The following ATP2B2 variants were observed in gnomAD, a reference collection of about 807,000 sequenced individuals.
ATP2B2 encodes the protein ATPase plasma membrane Ca2+ transporting 2.
ATP2B2 carries 15 observed loss-of-function variants against 120.0 expected under a neutral mutation model. The ratio of observed to expected loss-of-function variants is 0.12; its 90% CI spans 0.08 to 0.19. The LOEUF (loss-of-function observed/expected upper bound fraction) is 0.19. ATP2B2 is among the 10% of genes least tolerant of loss of function. The pLI, the probability that ATP2B2 is intolerant of heterozygous loss-of-function variation, is 1.00. For synonymous variants in ATP2B2, 694 were observed against 700.3 expected (o/e 0.99, Z 0.14); for missense variants, 1,045 against 1,719.8 (o/e 0.61, Z 6.94).
At chr3:10,358,633 G>T (rs2060807265) in intron 14 of ATP2B2, 58 bp downstream of exon 14, 3 of 1,542,868 alleles carry the variant, frequency 1.9e-6, no homozygotes, top group Non-Finnish European at 2.7e-6. Flanking sequence ...AGGTCACCCT[G>T]GTGGCTGGCC....
chr3:10,644,303 G>A (rs1017152737), intron 1 of ATP2B2, among the ~76,000 whole-genome samples: 4 of 152,176 alleles, frequency 2.6e-5, no homozygotes, highest in Admixed American at 1.3e-4. Context: ...ACCCTTGTAC[G>A]TTGTTGGTGG....
At chr3:10,543,389 T>G (rs568687180) in intron 2 of ATP2B2, among the ~76,000 whole-genome samples, 3 of 152,282 alleles carry the variant, frequency 2.0e-5, no homozygotes, top group Admixed American at 1.3e-4. Context: ...ATACTCCTCC[T>G]TTTTCCAAAA....
chr3:10,385,428 T>C (rs1009554507), intron 7 of ATP2B2, 101 bp from the exon 8 acceptor site: 1 of 1,022,710 alleles, frequency 9.8e-7, no homozygotes, highest in Non-Finnish European at 1.5e-6. Flanking sequence ...CATGACTCTA[T>C]TCTTAAAAAA....
At chr3:10,551,090 G>A (rs185807230) in intron 2 of ATP2B2, among the ~76,000 whole-genome samples, 33 of 152,288 alleles carry the variant, frequency 2.2e-4, no homozygotes, top group African/African-American at 7.5e-4. Flanking sequence ...TGGCCTGGGC[G>A]AATGTTTTAC....
At chr3:10,580,648 C>A (rs1039343098) in intron 2 of ATP2B2, among the ~76,000 whole-genome samples, 1 of 152,168 alleles carries the variant, frequency 6.6e-6, no homozygotes, top group Non-Finnish European at 1.5e-5. Flanking sequence ...CCCTCCCTGT[C>A]TCCCTGCTCC....
intron 2 of ATP2B2, among the ~76,000 whole-genome samples, chr3:10,433,126 C>T (rs1341838878): frequency 6.6e-6 from 1 of 152,226 alleles, no homozygotes; most frequent in Non-Finnish European, 1.5e-5. Flanking sequence ...GCTCCAGCTG[C>T]CTCTCTCAAG....
chr3:10,671,926 A>C (rs771545519), intron 1 of ATP2B2, among the ~76,000 whole-genome samples: 1 of 152,216 alleles, frequency 6.6e-6, no homozygotes, highest in East Asian at 1.9e-4. Flanking sequence ...AATTCTGAAT[A>C]ATCAATAAAG....
chr3:10,351,228 C>G (rs1157671754), intron 14 of ATP2B2, among the ~76,000 whole-genome samples: 1 of 152,166 alleles, frequency 6.6e-6, no homozygotes, highest in African/African-American at 2.4e-5. Flanking sequence ...TCAGAAGGCA[C>G]AAGGCTTCCC....
chr3:10,540,869 T>TAA (rs762272139), intron 2 of ATP2B2, among the ~76,000 whole-genome samples: 1 of 144,372 alleles, frequency 6.9e-6, no homozygotes, highest in Non-Finnish European at 1.5e-5. Flanking sequence ...AAAATATAAT[T>TAA]AAAAAAAAAA....
chr3:10,379,432 G>A, intron 8 of ATP2B2, 148 bp from the exon 9 acceptor site: 1 of 936,614 alleles, frequency 1.1e-6, no homozygotes, highest in Non-Finnish European at 1.7e-6. Context: ...TACGGGTTGG[G>A]GAGGGCCCTG....
chr3:10,395,623 T>C (rs1257059309), intron 5 of ATP2B2, among the ~76,000 whole-genome samples: 1 of 152,236 alleles, frequency 6.6e-6, no homozygotes, highest in Non-Finnish European at 1.5e-5. Context: ...TTCTGAAAGT[T>C]TGAAATTATC....
chr3:10,403,377 A>T (rs1325547577), intron 3 of ATP2B2, among the ~76,000 whole-genome samples: 4 of 151,836 alleles, frequency 2.6e-5, no homozygotes, highest in African/African-American at 4.8e-5. Flanking sequence ...GGCCCCAAAA[A>T]CTCTCGAGGT....
rs573360965 is a variant in ATP2B2 at position 10,663,861 on chromosome 3, T to C, written c.-459-43900A>G. Among the ~76,000 whole-genome samples, 5 of 152,234 alleles carry C rather than the reference T, an allele frequency of 3.3e-5. No individual in the cohort carries two copies. In the South Asian group the frequency reaches 1.0e-3, roughly 32 times the overall value. On this transcript the variant is annotated intron_variant, in intron 1 of 21. Coordinates refer to the ATP2B2 transcript ENST00000646379. The stretch of plus-strand genomic sequence containing the variant: ...ACACACCCATCTCTTTCAGAAGACT[T>C]TGGACTCTTCGAAGACAGGGTCAGG...
chr3:10,519,557 C>G (rs888560244), intron 3 of ATP2B2, among the ~76,000 whole-genome samples: 8 of 152,152 alleles, frequency 5.3e-5, no homozygotes, highest in Admixed American at 3.9e-4. Context: ...GAGTGGAGAA[C>G]TCAGTTCCTG....
chr3:10,356,860 G>A (rs1228816232), intron 14 of ATP2B2, among the ~76,000 whole-genome samples: 1 of 152,140 alleles, frequency 6.6e-6, no homozygotes, highest in Non-Finnish European at 1.5e-5. Context: ...AGCACGTGTG[G>A]GCTCCACTGC....
rs139498749 is a variant in ATP2B2, at chr3:10,443,843, C to T, written c.199+5502G>A. Among the ~76,000 whole-genome samples the T allele has an allele frequency of 7.0e-4, 107 of 152,288 alleles. 1 individual carries two copies. In the Middle Eastern group the frequency reaches 0.01, roughly 15 times the overall value. Reference sequence around the variant, plus strand: ...CTTCTGTAAAAGCACTTTCAACTCACGGTCTACAAAAGGCAGAGAGTGGAA... The same window carrying T: ...CTTCTGTAAAAGCACTTTCAACTCATGGTCTACAAAAGGCAGAGAGTGGAA... On this transcript the variant is annotated intron_variant, in intron 2 of 22. Transcript: ENST00000360273.
intron 1 of ATP2B2, among the ~76,000 whole-genome samples, chr3:10,631,607 T>A (rs2069867628): frequency 6.6e-6 from 1 of 152,178 alleles, no homozygotes. Context: ...ACTGTGGACA[T>A]GGTGGGACAG....
chr3:10,617,726 G>A (rs947826958), intron 2 of ATP2B2, among the ~76,000 whole-genome samples: 1 of 152,230 alleles, frequency 6.6e-6, no homozygotes, highest in Admixed American at 6.5e-5. Context: ...GCTGAGCAGG[G>A]CAGCAGCAGG....
chr3:10,617,048 C>T (rs1308825865), intron 2 of ATP2B2, among the ~76,000 whole-genome samples: 1 of 152,264 alleles, frequency 6.6e-6, no homozygotes, highest in Non-Finnish European at 1.5e-5. Context: ...AATCTTCCTT[C>T]TGTGATCTAT....
Sources: allele counts gnomAD v4.1 joint callset (sites outside exome capture counted in the v4.1 genomes callset), GRCh38; gene constraint gnomAD v4.1.1; transcripts MANE v1.5; gene names NCBI Gene and HGNC (gene_info 2026-07-23, HGNC 2026-07-21).